ANO1: variants seen among roughly 807,000 people sequenced by gnomAD.
ANO1 encodes anoctamin-1.
A neutral mutation model predicts 124.0 loss-of-function variants in ANO1; 59 were observed. That is an observed-to-expected ratio of 0.48 (90% confidence interval 0.39 to 0.59). ANO1 has a LOEUF of 0.59. Ranked by LOEUF, ANO1 falls within the 20% of genes least tolerant of loss-of-function variation. The probability of loss-of-function intolerance (pLI) is 0.00; values close to 1 mark genes in which losing one functional copy is unlikely to be tolerated. For synonymous variants in ANO1, 529 were observed against 532.0 expected (o/e 0.99, Z 0.08); for missense variants, 1,059 against 1,328.0 (o/e 0.80, Z 3.15).
chr11:70,051,115 A>G (rs1857343618), intron 1 of ANO1, among the ~76,000 whole-genome samples: 1 of 152,112 alleles, frequency 6.6e-6, no homozygotes, highest in South Asian at 2.1e-4. Context: ...GATGATTACC[A>G]CCCAGATCAA....
At chr11:70,010,238 G>C (rs1040968981) in intron 1 of ANO1, among the ~76,000 whole-genome samples, 1 of 144,272 alleles carries the variant, frequency 6.9e-6, no homozygotes, top group Non-Finnish European at 1.5e-5. Flanking sequence ...TGGGCATTTA[G>C]GCTGGTTTCA....
chr11:70,013,328 G>A (rs1856634156), intron 1 of ANO1, among the ~76,000 whole-genome samples: 1 of 152,196 alleles, frequency 6.6e-6, no homozygotes, highest in Admixed American at 6.5e-5. Flanking sequence ...TTGATCTTAA[G>A]AGAAGACAAG....
chr11:70,048,295 C>T (rs1555005907), intron 1 of ANO1, among the ~76,000 whole-genome samples: 1 of 152,122 alleles, frequency 6.6e-6, no homozygotes, highest in Non-Finnish European at 1.5e-5. Flanking sequence ...TCTATAAACT[C>T]TATCAGATAT....
chr11:70,053,720 T>TCTCTCC (rs779290116), intron 1 of ANO1, among the ~76,000 whole-genome samples: 98 of 152,372 alleles, frequency 6.4e-4, no homozygotes, highest in Non-Finnish European at 1.0e-3. Context: ...GGAAATGGTC[T>TCTCTCC]CTCTCCCTAT....
intron 2 of ANO1, among the ~76,000 whole-genome samples, chr11:70,100,897 T>C (rs1439585321): frequency 6.6e-6 from 1 of 152,192 alleles, no homozygotes; most frequent in Non-Finnish European, 1.5e-5. Flanking sequence ...AAGCGGCTGC[T>C]CTGAGCCTTC....
At chr11:69,979,296 T>G in the ANO1 span, among the ~76,000 whole-genome samples, 1 of 152,236 alleles carries the variant, frequency 6.6e-6, no homozygotes, top group Non-Finnish European at 1.5e-5. Flanking sequence ...AGTTCACCCA[T>G]GCCAATTCCA....
At chr11:70,089,171 C>T (rs937582755) in intron 2 of ANO1, among the ~76,000 whole-genome samples, 2 of 152,128 alleles carry the variant, frequency 1.3e-5, no homozygotes, top group African/African-American at 2.4e-5. Context: ...CATCACTGTG[C>T]GGATTACCCA....
chr11:70,090,044 C>T (rs1447569001), intron 2 of ANO1, among the ~76,000 whole-genome samples: 5 of 151,984 alleles, frequency 3.3e-5, no homozygotes, highest in African/African-American at 4.8e-5. Flanking sequence ...TGTTTTGAGG[C>T]GGAATCTCAC....
Position 70,066,635 on chromosome 11 carries a change from C to T in ANO1, c.59-11907C>T, listed in dbSNP as rs541903592. 4.9e-3 allele frequency among the ~76,000 whole-genome samples: 543 copies of T among 111,544 alleles called. 1 individual carries two copies. The highest frequency in any genetic ancestry group is 5.0e-3 in the Non-Finnish European group (274 of 54,712). The allele number at this position is 111,544 out of a possible 152,430, so 73.2% of individuals were successfully genotyped here. On this transcript the variant is annotated intron_variant, in intron 1 of 27. Transcript: ENST00000531349. Reference sequence around the variant, plus strand: ...CTCCTTGGTGATTTGGTGGCGGGGGCGGGGTGGGTGGCAGCCCTGACTTTG... The same window carrying T: ...CTCCTTGGTGATTTGGTGGCGGGGGTGGGGTGGGTGGCAGCCCTGACTTTG...
intron 22 of ANO1, 77 bp from the exon 23 acceptor site, chr11:70,179,927 C>T (rs1565284484): frequency 1.3e-5 from 18 of 1,386,070 alleles, no homozygotes; most frequent in East Asian, 2.3e-5. Context: ...GGGTGGTACC[C>T]GCTCAGACTG....
intron 1 of ANO1, chr11:70,016,279 G>A (rs1320543482): frequency 6.6e-6 from 1 of 152,184 alleles, no homozygotes; most frequent in African/African-American, 2.4e-5. Flanking sequence ...ACCCACCTCA[G>A]CCTCCCAGAG....
At position 70,015,982 on chromosome 11, in the gene ANO1, G is replaced by A. The variant is rs184890311; in HGVS notation, c.58+29816G>A. ...ACCTTACAGCAACAGGGGTGCAGAC[G>A]ATGAACTGCTTGGCTTCCTTGGGAT... On this transcript the variant is annotated intron_variant, in intron 1 of 27. Coordinates refer to the ANO1 transcript ENST00000531349. Among the ~76,000 whole-genome samples the A allele has an allele frequency of 4.9e-4, 74 of 152,172 alleles. 1 individual carries two copies. Among genetic ancestry groups the A allele is most frequent in the Admixed American group, 3.5e-3 (53 of 15,296 alleles).
At position 70,012,143 on chromosome 11, in the gene ANO1, C is replaced by T. The variant is rs146117350; in HGVS notation, c.58+25977C>T. 6.4e-3 allele frequency among the ~76,000 whole-genome samples: 978 copies of T among 152,110 alleles called. 15 individuals are homozygous for T. Among genetic ancestry groups the T allele is most frequent in the African/African-American group, 0.022 (914 of 41,510 alleles). On this transcript the variant is annotated intron_variant, in intron 1 of 27. Coordinates refer to the ANO1 transcript ENST00000531349. ...CCATCTATTCACTCATCCATTCTTT[C>T]ATCCATCCATCCATCCATTGTTCCA...
intron 21 of ANO1, among the ~76,000 whole-genome samples, chr11:70,169,793 G>A (rs1004303575): frequency 6.6e-6 from 1 of 152,020 alleles, no homozygotes; most frequent in Non-Finnish European, 1.5e-5. Context: ...AGGGCACCCC[G>A]CACGGCCCAC....
At chr11:70,029,299 C>A (rs555053905) in intron 1 of ANO1, among the ~76,000 whole-genome samples, 1 of 152,220 alleles carries the variant, frequency 6.6e-6, no homozygotes, top group South Asian at 2.1e-4. Context: ...GCCTGCTCTG[C>A]GCAAAGATGA....
At chr11:70,113,512 G>A (rs957187518) in intron 7 of ANO1, among the ~76,000 whole-genome samples, 1 of 152,014 alleles carries the variant, frequency 6.6e-6, no homozygotes, top group Non-Finnish European at 1.5e-5. Flanking sequence ...GGACCCAGCC[G>A]GTCTGGTTGT....
At chr11:70,085,659 C>T (rs1036959030) in intron 1 of ANO1, 6 of 1,500,898 alleles carry the variant, frequency 4.0e-6, no homozygotes, top group African/African-American at 1.4e-5. Flanking sequence ...TTGACATCAA[C>T]ACCTATGAAA....
rs1309706119 is a variant in ANO1 at position 70,122,254 on chromosome 11, C to CTCT, written c.898-2095_898-2094insCTT. On this transcript the variant is annotated intron_variant, in intron 8 of 25. Coordinates refer to ENST00000355303, the MANE Select transcript of ANO1 (RefSeq NM_018043.7). Reference sequence around the variant, plus strand: ...ATCTCCCCCACCTCTCTGTCTGTCTCTATCTCTGTCTCTCCATCTGCCTCT... The same window carrying CTCT: ...ATCTCCCCCACCTCTCTGTCTGTCTCTCTTATCTCTGTCTCTCCATCTGCCTCT... 3.7e-5 allele frequency among the ~76,000 whole-genome samples: 4 copies of CTCT among 109,506 alleles called. 1 individual carries two copies. The highest frequency in any genetic ancestry group is 7.0e-5 in the African/African-American group (2 of 28,608). The allele number at this position is 109,506 out of a possible 152,430, so 71.8% of individuals were successfully genotyped here.
At chr11:70,070,753 G>A (rs1444468774) in intron 1 of ANO1, among the ~76,000 whole-genome samples, 3 of 152,214 alleles carry the variant, frequency 2.0e-5, no homozygotes, top group Non-Finnish European at 2.9e-5. Context: ...GTGAGCAGGT[G>A]GATGAGTGGA....
Sources: gnomAD v4.1 joint callset for allele counts (sites outside exome capture counted in the v4.1 genomes callset) on GRCh38, gnomAD v4.1.1 for gene constraint, MANE v1.5 for transcripts, NCBI Gene and HGNC (gene_info 2026-07-23, HGNC 2026-07-21) for gene names.